METTL15: variants seen among roughly 807,000 people sequenced by gnomAD.
The protein encoded by METTL15 is 12S rRNA N(4)-cytidine methyltransferase METTL15.
A neutral mutation model predicts 38.3 loss-of-function variants in METTL15; 34 were observed. The ratio of observed to expected loss-of-function variants is 0.89; its 90% CI spans 0.68 to 1.18. METTL15 has a LOEUF of 1.18. METTL15 is among the 50% of genes most tolerant of loss of function. METTL15 has a pLI of 0.00. For synonymous variants in METTL15, 162 were observed against 170.9 expected (o/e 0.95, Z 0.41); for missense variants, 438 against 498.4 (o/e 0.88, Z 1.15).
At chr11:28,420,997 A>G (rs1029987513) in intron 5 of METTL15, among the ~76,000 whole-genome samples, 6 of 152,170 alleles carry the variant, frequency 3.9e-5, no homozygotes, top group African/African-American at 1.4e-4. Context: ...AGAAGACCCC[A>G]AAAAAGTCAG....
intron 6 of METTL15, among the ~76,000 whole-genome samples, chr11:28,496,869 C>A (rs1403721682): frequency 2.0e-5 from 3 of 152,148 alleles, no homozygotes; most frequent in Admixed American, 6.5e-5. Context: ...ACTGCAAAAC[C>A]TTTTCCAGTC....
intron 5 of METTL15, among the ~76,000 whole-genome samples, chr11:28,390,608 A>G (rs1275892196): frequency 2.6e-5 from 4 of 152,218 alleles, no homozygotes; most frequent in Non-Finnish European, 4.4e-5. Context: ...TGGTACTAGT[A>G]CCAGGCTGTT....
chr11:28,162,589 G>A (rs1331531690), intron 3 of METTL15, among the ~76,000 whole-genome samples: 1 of 152,092 alleles, frequency 6.6e-6, no homozygotes, highest in African/African-American at 2.4e-5. Context: ...ATCATCATAA[G>A]TTGAAGATGT....
intron 6 of METTL15, among the ~76,000 whole-genome samples, chr11:28,511,183 G>T (rs1851670796): frequency 6.6e-6 from 1 of 152,056 alleles, no homozygotes; most frequent in African/African-American, 2.4e-5. Flanking sequence ...ACACAGTGGG[G>T]GTGCTGACCC....
chr11:28,474,716 A>G (rs1022372213), intron 6 of METTL15, among the ~76,000 whole-genome samples: 3 of 152,186 alleles, frequency 2.0e-5, no homozygotes, highest in Non-Finnish European at 4.4e-5. Flanking sequence ...TTTGTGACAA[A>G]TGTCCATATT....
At chr11:28,463,930 T>C (rs1424149098) in intron 6 of METTL15, among the ~76,000 whole-genome samples, 1 of 152,030 alleles carries the variant, frequency 6.6e-6, no homozygotes, top group Non-Finnish European at 1.5e-5. Flanking sequence ...TGAAGGCAAG[T>C]GTAATCCTTC....
At chr11:28,204,402 C>A (rs1852232141) in intron 3 of METTL15, among the ~76,000 whole-genome samples, 1 of 140,134 alleles carries the variant, frequency 7.1e-6, no homozygotes, top group South Asian at 2.4e-4. Context: ...GGATCTTAAT[C>A]AAGTCACATT....
At chr11:28,463,546 T>C (rs952420508) in intron 6 of METTL15, among the ~76,000 whole-genome samples, 2 of 152,090 alleles carry the variant, frequency 1.3e-5, no homozygotes, top group African/African-American at 4.8e-5. Flanking sequence ...AAGGAAAAAA[T>C]ACAAAGTTTC....
chr11:28,307,027 T>TA (rs1354058014), intron 6 of METTL15, among the ~76,000 whole-genome samples: 5 of 151,972 alleles, frequency 3.3e-5, no homozygotes, highest in African/African-American at 1.2e-4. Context: ...TTGTCAGAAA[T>TA]ATTAAGTTTC....
At chr11:28,297,707 T>C (rs1333938259) in intron 6 of METTL15, among the ~76,000 whole-genome samples, 1 of 152,140 alleles carries the variant, frequency 6.6e-6, no homozygotes, top group Non-Finnish European at 1.5e-5. Context: ...ATTCCAATGG[T>C]AAAATTTTCA....
At chr11:28,309,953 C>T (rs778945292) in intron 6 of METTL15, among the ~76,000 whole-genome samples, 1 of 152,054 alleles carries the variant, frequency 6.6e-6, no homozygotes, top group African/African-American at 2.4e-5. Flanking sequence ...AGAGGCCTAC[C>T]CACGTCTACT....
intron 6 of METTL15, among the ~76,000 whole-genome samples, chr11:28,329,003 A>G (rs1025235268): frequency 2.0e-5 from 3 of 152,032 alleles, no homozygotes; most frequent in Non-Finnish European, 4.4e-5. Flanking sequence ...GTTGTTCACA[A>G]TTTTGGTGTC....
intron 5 of METTL15, among the ~76,000 whole-genome samples, chr11:28,374,437 G>C (rs1028663255): frequency 6.6e-6 from 1 of 150,630 alleles, no homozygotes; most frequent in Non-Finnish European, 1.5e-5. Flanking sequence ...ATTGTGAATG[G>C]GAGTTCACTC....
intron 5 of METTL15, among the ~76,000 whole-genome samples, chr11:28,364,819 T>G (rs1850170884): frequency 6.6e-6 from 1 of 152,216 alleles, no homozygotes; most frequent in Non-Finnish European, 1.5e-5. Context: ...GACTTTGTCA[T>G]AGATGGCTCT....
intron 3 of METTL15, among the ~76,000 whole-genome samples, chr11:28,162,220 A>G (rs1056905300): frequency 6.6e-6 from 1 of 152,100 alleles, no homozygotes; most frequent in Non-Finnish European, 1.5e-5. Flanking sequence ...GCCTTCTTCC[A>G]AAGGAAGGAT....
intron 6 of METTL15, among the ~76,000 whole-genome samples, chr11:28,425,042 T>A (rs943836911): frequency 6.6e-6 from 1 of 152,172 alleles, no homozygotes; most frequent in Non-Finnish European, 1.5e-5. Flanking sequence ...TTCATAGTTT[T>A]TATAAGATCA....
intron 4 of METTL15, among the ~76,000 whole-genome samples, chr11:28,238,473 G>A (rs894794056): frequency 6.6e-6 from 1 of 152,148 alleles, no homozygotes; most frequent in Non-Finnish European, 1.5e-5. Flanking sequence ...CGCAGTATTC[G>A]GGTGGGAATG....
chr11:28,110,271 C>G lies in METTL15; in HGVS notation c.-148C>G, dbSNP rs1226987204. On this transcript the variant is annotated 5_prime_UTR_variant, in exon 2 of 7. Transcript: ENST00000407364. ...CTCAGTTGCTTGGGCGGACGTGGAC[C>G]CAATCTGTCCGTCCTTACAAGTTTC... 1 of 152,192 alleles carries G rather than the reference C, an allele frequency of 6.6e-6. No homozygotes were observed. Among genetic ancestry groups the G allele is most frequent in the Non-Finnish European group, 1.5e-5 (1 of 68,070 alleles). 9.4% of individuals were successfully genotyped at this position (152,192 alleles called of 1,614,324 possible).
intron 6 of METTL15, among the ~76,000 whole-genome samples, chr11:28,465,288 T>G (rs1851247643): frequency 6.6e-6 from 1 of 152,196 alleles, no homozygotes; most frequent in South Asian, 2.1e-4. Context: ...TCAGTCTCCT[T>G]GCTCCTCTTA....
Sources: allele counts gnomAD v4.1 joint callset (sites outside exome capture counted in the v4.1 genomes callset), GRCh38; gene constraint gnomAD v4.1.1; transcripts MANE v1.5; gene names NCBI Gene and HGNC (gene_info 2026-07-23, HGNC 2026-07-21).